ANK3: variants seen among roughly 807,000 people sequenced by gnomAD.
ANK3 encodes ankyrin-3.
In ANK3, 57 loss-of-function variants were observed where a neutral mutation model predicts 370.9. The ratio of observed to expected loss-of-function variants is 0.15; its 90% CI spans 0.12 to 0.19. ANK3 has a LOEUF of 0.19. Among genes scored for constraint, ANK3 ranks in the 10% least tolerant of loss-of-function variants. The pLI is 1.00. For synonymous variants in ANK3, 1,929 were observed against 1,946.3 expected, an observed-to-expected ratio of 0.99 and a Z score of 0.23; for missense variants, 4,439 against 5,302.1, an observed-to-expected ratio of 0.84 and a Z score of 5.06.
rs750153531 is a variant in ANK3, at chr10:60,070,945, T to G, written c.9936A>C (p.Ala3312=). ...CGTCATCGCTTGAATCACTGACGTCTGCCCCGGGAGGAACTGGTGAAGGTG... is the reference window on the plus strand; with the variant it reads ...CGTCATCGCTTGAATCACTGACGTCGGCCCCGGGAGGAACTGGTGAAGGTG... ...VQPPSPVPPG[A]DVSDSSDDES... is the part of the protein sequence containing the mutation. Residue 3312 remains alanine (A), a synonymous_variant, in exon 37 of 44, where the codon GCA becomes GCC. Transcript: ENST00000280772. This position sits in a 1 kb window ranked among gnomAD's most constrained non-coding sequence, Gnocchi z 5.7. The G allele has an allele frequency of 1.2e-6, 2 of 1,614,120 alleles. 1 individual carries two copies. The highest frequency in any genetic ancestry group is 2.2e-5 in the South Asian group (2 of 91,080).
At chr10:60,146,518 T>C (rs1328004032) in intron 23 of ANK3, among the ~76,000 whole-genome samples, 1 of 152,158 alleles carries the variant, frequency 6.6e-6, no homozygotes, top group Non-Finnish European at 1.5e-5. Flanking sequence ...AGACACAGTC[T>C]CACTCTATTG....
chr10:60,038,683 A>G (rs2075563958), intron 43 of ANK3, among the ~76,000 whole-genome samples: 1 of 150,056 alleles, frequency 6.7e-6, no homozygotes, highest in Non-Finnish European at 1.5e-5. Flanking sequence ...AGGGCTCTGA[A>G]TGATGGTGTG....
At chr10:60,418,839 GGGT>G (rs2063721835) in intron 2 of ANK3, among the ~76,000 whole-genome samples, 1 of 151,870 alleles carries the variant, frequency 6.6e-6, no homozygotes, top group South Asian at 2.1e-4. Flanking sequence ...TATTTATTTA[GGGT>G]GACCTTTTCA....
intron 7 of ANK3, among the ~76,000 whole-genome samples, chr10:60,261,017 CTT>C (rs1443874982): frequency 1.3e-5 from 2 of 152,160 alleles, no homozygotes; most frequent in African/African-American, 2.4e-5. Context: ...TATGCTATCT[CTT>C]TTAATTTTCA....
intron 20 of ANK3, 124 bp downstream of exon 20, chr10:60,172,776 C>T (rs971945999): frequency 4.7e-6 from 3 of 642,764 alleles, no homozygotes; most frequent in African/African-American, 1.8e-5. Flanking sequence ...TCCTTCTTTC[C>T]TCATTCTACT....
rs1412809546 is a variant in ANK3 at position 60,399,629 on chromosome 10, A to G, written c.97-119990T>C. Among the ~76,000 whole-genome samples the G allele has an allele frequency of 2.0e-5, 3 of 152,192 alleles. No individual in the cohort carries two copies. In the East Asian group the frequency reaches 5.8e-4, roughly 29 times the overall value. On this transcript the variant is annotated intron_variant, in intron 2 of 43. Coordinates refer to the ANK3 transcript ENST00000373827. ...CTGAACAACGGAGCTGCAGGCAAGG[A>G]GCCGCTACAGTTACCCAGGTGGACT...
chr10:60,690,555 T>A (rs1398489147), intron 1 of ANK3, among the ~76,000 whole-genome samples: 1 of 152,234 alleles, frequency 6.6e-6, no homozygotes, highest in Non-Finnish European at 1.5e-5. Flanking sequence ...ACTTTAATAC[T>A]TTTATGAAAC....
intron 2 of ANK3, among the ~76,000 whole-genome samples, chr10:60,584,111 C>A (rs2077796865): frequency 6.6e-6 from 1 of 152,110 alleles, no homozygotes; most frequent in East Asian, 1.9e-4. Flanking sequence ...CTAATTATGA[C>A]CAACTCCCTC....
intron 23 of ANK3, among the ~76,000 whole-genome samples, chr10:60,141,820 A>G (rs2094583706): frequency 6.6e-6 from 1 of 152,080 alleles, no homozygotes; most frequent in Non-Finnish European, 1.5e-5. Flanking sequence ...TGATTCATAT[A>G]ATATTAGGAT....
At chr10:60,519,457 G>A (rs2076299826) in intron 2 of ANK3, among the ~76,000 whole-genome samples, 1 of 152,140 alleles carries the variant, frequency 6.6e-6, no homozygotes, top group African/African-American at 2.4e-5. Context: ...TTTGGAGGAG[G>A]AAGAAATCAT....
At chr10:60,663,852 T>C (rs1347812776) in intron 1 of ANK3, among the ~76,000 whole-genome samples, 1 of 152,244 alleles carries the variant, frequency 6.6e-6, no homozygotes, top group African/African-American at 2.4e-5. Flanking sequence ...GTATTTTATT[T>C]ATTCTTGCAA....
At chr10:60,059,761 G>C in intron 40 of ANK3, 1 of 1,614,112 alleles carries the variant, frequency 6.2e-7, no homozygotes, top group Non-Finnish European at 8.5e-7. Flanking sequence ...TCTGTTAAAG[G>C]CACTGAGTCT....
At chr10:60,732,325 C>T (rs1428502229) in intron 1 of ANK3, among the ~76,000 whole-genome samples, 1 of 152,180 alleles carries the variant, frequency 6.6e-6, no homozygotes, top group Non-Finnish European at 1.5e-5. Flanking sequence ...TATGCAAATG[C>T]AAACATAAGC....
chr10:60,137,515 TACTC>T (rs2094410371), intron 24 of ANK3, among the ~76,000 whole-genome samples: 1 of 151,962 alleles, frequency 6.6e-6, no homozygotes, highest in Non-Finnish European at 1.5e-5. Context: ...TACTTGATAA[TACTC>T]TAACAATGTG....
At chr10:60,597,009 T>C (rs2077996738) in intron 2 of ANK3, among the ~76,000 whole-genome samples, 1 of 152,194 alleles carries the variant, frequency 6.6e-6, no homozygotes, top group Admixed American at 6.5e-5. Flanking sequence ...CATAAAAAGA[T>C]TCAATCAATA....
At chr10:60,639,926 A>G (rs1056293070) in intron 1 of ANK3, among the ~76,000 whole-genome samples, 4 of 152,092 alleles carry the variant, frequency 2.6e-5, no homozygotes, top group Non-Finnish European at 5.9e-5. Flanking sequence ...ATCAAGCTGG[A>G]TAAAAAAATA....
chr10:60,598,762 A>G (rs2078021775), intron 2 of ANK3, among the ~76,000 whole-genome samples: 1 of 152,232 alleles, frequency 6.6e-6, no homozygotes, highest in Non-Finnish European at 1.5e-5. Flanking sequence ...TAACATCACT[A>G]TGACATAAAA....
chr10:60,383,862 C>T (rs2061883510), intron 1 of ANK3, among the ~76,000 whole-genome samples: 1 of 152,158 alleles, frequency 6.6e-6, no homozygotes, highest in South Asian at 2.1e-4. Flanking sequence ...GCCTGTAAAA[C>T]ATCAGGAAGC....
At chr10:60,219,914 G>A (rs893030983) in intron 8 of ANK3, among the ~76,000 whole-genome samples, 1 of 152,136 alleles carries the variant, frequency 6.6e-6, no homozygotes, top group Non-Finnish European at 1.5e-5. Context: ...ATTGCAAATA[G>A]TACATGGCCT....
Sources: allele counts gnomAD v4.1 joint callset (sites outside exome capture counted in the v4.1 genomes callset), GRCh38; gene constraint gnomAD v4.1.1; non-coding constraint Gnocchi (gnomAD v3.1); transcripts MANE v1.5; gene names NCBI Gene and HGNC (gene_info 2026-07-23, HGNC 2026-07-21).